Variants in EPB41L3 observed in about 807,000 individuals in gnomAD.
The protein encoded by EPB41L3 is erythrocyte membrane protein band 4.1 like 3, also known as band 4.1-like protein 3.
EPB41L3 carries 57 observed loss-of-function variants against 127.1 expected under a neutral mutation model. The observed-to-expected ratio is 0.45, with a 90% CI of 0.36 to 0.56. EPB41L3 has a LOEUF of 0.56. Among genes scored for constraint, EPB41L3 ranks in the 20% least tolerant of loss-of-function variants. EPB41L3 has a pLI of 0.00. For missense variants in EPB41L3, 1,273 were observed against 1,372.2 expected (o/e 0.93, Z 1.14); for synonymous variants, 572 against 549.5 (o/e 1.04, Z -0.57).
At chr18:5,564,007 TGAG>T (rs1340875861) in intron 3 of EPB41L3, among the ~76,000 whole-genome samples, 1 of 152,100 alleles carries the variant, frequency 6.6e-6, no homozygotes, top group African/African-American at 2.4e-5. Context: ...AGCGCTGTCT[TGAG>T]GAAGACCAAC....
intron 1 of EPB41L3, among the ~76,000 whole-genome samples, chr18:5,622,951 A>T (rs75299329): frequency 3.7e-4 from 28 of 76,044 alleles, no homozygotes; most frequent in South Asian, 6.0e-4. Context: ...CATAATGCTG[A>T]TTTTTTTTTT....
At chr18:5,606,405 G>T (rs2094652480) in intron 3 of EPB41L3, among the ~76,000 whole-genome samples, 1 of 151,880 alleles carries the variant, frequency 6.6e-6, no homozygotes, top group Non-Finnish European at 1.5e-5. Flanking sequence ...TTGAAAAAAA[G>T]AATCATTCTT....
chr18:5,449,120 C>T (rs1447130099), intron 3 of EPB41L3, among the ~76,000 whole-genome samples: 1 of 152,122 alleles, frequency 6.6e-6, no homozygotes, highest in Non-Finnish European at 1.5e-5. Context: ...CCAAGATATA[C>T]AAAGAACTCT....
chr18:5,560,941 TTATTTATTTA>T (rs1411198867), intron 3 of EPB41L3, among the ~76,000 whole-genome samples: 1 of 430 alleles, frequency 2.3e-3, no homozygotes, highest in Non-Finnish European at 7.0e-3. Flanking sequence ...ATAGTTGTAA[TTATTTATTTA>T]TTTATTTATT....
At position 5,406,797 on chromosome 18, in the gene EPB41L3, C is replaced by T. The variant is rs778187808; in HGVS notation, c.2329G>A (p.Glu777Lys). 7.4e-6 allele frequency: 12 copies of T among 1,613,982 alleles called. No individual in the cohort carries two copies. Among genetic ancestry groups the T allele is most frequent in the Non-Finnish European group, 1.0e-5 (12 of 1,179,962 alleles). The stretch of plus-strand genomic sequence containing the variant: ...CTGACCTCTTCAGGGACAAGTGGTT[C>T]GATCATGGGGGCATCCTCCTGCCTG... ...AARQEDAPMI[E>K]PLVPEETKQS... The change falls in exon 16 of 23, where the codon GAA becomes AAA. Residue 777 changes from glutamate (E) to lysine (K), a missense_variant. Around this residue, in one of 3 missense-constraint regions of EPB41L3, gnomAD observed 765 missense variants for 782.9 expected, o/e 0.98. Coordinates refer to ENST00000341928, the MANE Select transcript of EPB41L3 (RefSeq NM_012307.5).
In EPB41L3 at chr18:5,437,969, G is replaced by T. The variant is rs892882804; in HGVS notation, c.605+66C>A. On this transcript the variant is annotated intron_variant, in intron 6 of 22. Coordinates refer to ENST00000341928, the MANE Select transcript of EPB41L3 (RefSeq NM_012307.5). ...TACCAGATGTAAGCACGCTCTTTCC[G>T]GAGCATTTAAGAGAAGCACAACTCT... 3.6e-6 allele frequency: 5 copies of T among 1,404,666 alleles called. No individual in the cohort carries two copies. The South Asian group carries it at 6.1e-5, about 17-fold the overall frequency. The allele number at this position is 1,404,666 out of a possible 1,614,324, so 87.0% of individuals were successfully genotyped here. A position where few individuals can be genotyped will look rare whatever the true frequency, so the allele number is the denominator to read the frequency against.
intron 1 of EPB41L3, among the ~76,000 whole-genome samples, chr18:5,510,723 T>C (rs2092469110): frequency 1.3e-5 from 2 of 152,156 alleles, no homozygotes; most frequent in Admixed American, 1.3e-4. Flanking sequence ...AGAGCAGCAG[T>C]TTTTAGCTTT....
chr18:5,412,868 T>TAA (rs769861828), intron 13 of EPB41L3, among the ~76,000 whole-genome samples: 18 of 120,920 alleles, frequency 1.5e-4, no homozygotes, highest in East Asian at 5.1e-4. Flanking sequence ...CACTCAGAGC[T>TAA]AAAAAAAAAA....
intron 1 of EPB41L3, among the ~76,000 whole-genome samples, chr18:5,521,970 TAAAATTTTAACTTGTA>T (rs917105381): frequency 2.0e-5 from 3 of 152,204 alleles, no homozygotes; most frequent in African/African-American, 7.2e-5. Context: ...ATTATACAGT[TAAAATTTTAACTTGTA>T]GCAATAATGC....
intron 1 of EPB41L3, among the ~76,000 whole-genome samples, chr18:5,623,249 T>A (rs954477670): frequency 1.3e-5 from 2 of 152,208 alleles, no homozygotes; most frequent in African/African-American, 4.8e-5. Flanking sequence ...TGTAACATAT[T>A]TGTGTAAATT....
chr18:5,614,379 A>G (rs1412292056), exon 2 of EPB41L3: 1 of 152,122 alleles, frequency 6.6e-6, no homozygotes, highest in East Asian at 1.9e-4. Context: ...TGCTTGATTC[A>G]TGGAAAATGT....
At chr18:5,621,213 A>T (rs957274373) in intron 1 of EPB41L3, among the ~76,000 whole-genome samples, 2 of 152,158 alleles carry the variant, frequency 1.3e-5, no homozygotes, top group Non-Finnish European at 2.9e-5. Context: ...AATCGGAGCA[A>T]GTAAAAATTG....
intron 3 of EPB41L3, among the ~76,000 whole-genome samples, chr18:5,468,046 A>C (rs2085334078): frequency 6.6e-6 from 1 of 152,166 alleles, no homozygotes; most frequent in Non-Finnish European, 1.5e-5. Context: ...ATTTCAGAGC[A>C]AAGTTGTGGC....
chr18:5,561,220 G>A (rs553137144), intron 3 of EPB41L3, among the ~76,000 whole-genome samples: 14 of 152,050 alleles, frequency 9.2e-5, no homozygotes, highest in South Asian at 2.1e-4. Flanking sequence ...CTCGTGATCC[G>A]CCCGCCTCGG....
rs150553209 is a variant in EPB41L3 at position 5,504,997 on chromosome 18, C to T, written c.-11-15803G>A. On this transcript the variant is annotated intron_variant, in intron 1 of 22. Coordinates refer to ENST00000341928, the MANE Select transcript of EPB41L3 (RefSeq NM_012307.5). ...CTCCTTAACCCTATACTTCAAAGCT[C>T]GCTCCAACACCACCTTCACTCAGCA... 4.6e-5 allele frequency among the ~76,000 whole-genome samples: 7 copies of T among 152,250 alleles called. No individual in the cohort carries two copies. The East Asian group carries it at 9.7e-4, about 21-fold the overall frequency.
At chr18:5,580,735 G>C (rs940610949) in intron 3 of EPB41L3, among the ~76,000 whole-genome samples, 1 of 152,046 alleles carries the variant, frequency 6.6e-6, no homozygotes, top group Non-Finnish European at 1.5e-5. Flanking sequence ...TAGCTTTTCC[G>C]GCATTGCTCA....
Position 5,566,788 on chromosome 18 carries a change from T to TATTCC in EPB41L3, c.-306+45547_-306+45551dup, listed in dbSNP as rs796587423. ...TATTCTATTCTATTCTATTCTATTCTATTCCATTCCATTCCATTCTAATTT... is the reference window on the plus strand; with the variant it reads ...TATTCTATTCTATTCTATTCTATTCTATTCCATTCCATTCCATTCCATTCTAATTT... On this transcript the variant is annotated intron_variant, in intron 3 of 21. Transcript: ENST00000545076. Among the ~76,000 whole-genome samples the TATTCC allele has an allele frequency of 2.4e-3, 269 of 112,480 alleles. 4 individuals are homozygous for TATTCC. The highest frequency in any genetic ancestry group is 0.023 in the South Asian group (76 of 3,288). 73.8% of individuals were successfully genotyped at this position (112,480 alleles called of 152,430 possible). A position where few individuals can be genotyped will look rare whatever the true frequency, so the allele number is the denominator to read the frequency against.
intron 1 of EPB41L3, among the ~76,000 whole-genome samples, chr18:5,622,798 T>A (rs978438568): frequency 3.9e-5 from 6 of 152,126 alleles, no homozygotes; most frequent in African/African-American, 1.2e-4. Flanking sequence ...CTGTGACTAT[T>A]AGGGGGAAAG....
At chr18:5,620,179 T>C (rs1291417579) in intron 1 of EPB41L3, among the ~76,000 whole-genome samples, 2 of 152,192 alleles carry the variant, frequency 1.3e-5, no homozygotes, top group African/African-American at 4.8e-5. Context: ...GGATTGTAGA[T>C]TTGAAAGCTG....
Sources: allele counts gnomAD v4.1 joint callset (sites outside exome capture counted in the v4.1 genomes callset), GRCh38; gene constraint gnomAD v4.1.1; regional missense constraint gnomAD v4.1.1; transcripts MANE v1.5; gene names NCBI Gene and HGNC (gene_info 2026-07-23, HGNC 2026-07-21).